GALM: variants seen among roughly 807,000 people sequenced by gnomAD.
GALM encodes galactose mutarotase, also known as aldose 1-epimerase.
Under a neutral mutation model 37.4 loss-of-function variants are expected in GALM, and 43 were observed. The observed-to-expected ratio is 1.15, with a 90% CI of 0.90 to 1.48. GALM has a LOEUF of 1.48. Among genes scored for constraint, GALM ranks in the 40% most tolerant of loss-of-function variants. The pLI, the probability that GALM is intolerant of heterozygous loss-of-function variation, is 0.00. For missense variants in GALM, 456 were observed against 419.1 expected, an observed-to-expected ratio of 1.09 and a Z score of -0.77; for synonymous variants, 199 against 170.6, an observed-to-expected ratio of 1.17 and a Z score of -1.30.
At chr2:38,702,518 T>C (rs1665940041) in intron 4 of GALM, among the ~76,000 whole-genome samples, 1 of 151,898 alleles carries the variant, frequency 6.6e-6, no homozygotes, top group Non-Finnish European at 1.5e-5. Context: ...CTTACCCTCC[T>C]TCTTCAAGAG....
At position 38,700,761 on chromosome 2, in the gene GALM, G is replaced by A. The variant is rs188127631; in HGVS notation, c.634+10867G>A. Among the ~76,000 whole-genome samples the A allele has an allele frequency of 5.3e-4, 81 of 152,094 alleles. No individual in the cohort carries two copies. In the East Asian group the frequency reaches 8.7e-3, roughly 16 times the overall value. ...GATAGGTGAGGACTTCTGTCATTTTGTTAATTATTTTCTGTTTTTTTAAAT... is the reference window on the plus strand; with the variant it reads ...GATAGGTGAGGACTTCTGTCATTTTATTAATTATTTTCTGTTTTTTTAAAT... On this transcript the variant is annotated intron_variant, in intron 4 of 6. Transcript: ENST00000272252.
chr2:38,716,827 C>T (rs1238944223), intron 4 of GALM, among the ~76,000 whole-genome samples: 2 of 151,978 alleles, frequency 1.3e-5, no homozygotes, highest in Non-Finnish European at 2.9e-5. Context: ...TGCACTGCAG[C>T]CTAGGCAACA....
intron 4 of GALM, among the ~76,000 whole-genome samples, chr2:38,692,056 G>A (rs191652026): frequency 3.2e-4 from 49 of 152,226 alleles, no homozygotes; most frequent in Non-Finnish European, 2.1e-4. Flanking sequence ...CTCCTAGCAT[G>A]ACATTTTACT....
chr2:38,729,542 T>G lies in GALM; in HGVS notation c.635-14T>G, dbSNP rs372545792. 9 of 1,611,444 alleles carry G rather than the reference T, an allele frequency of 5.6e-6. No homozygotes were observed. Among genetic ancestry groups the G allele is most frequent in the Non-Finnish European group, 7.6e-6 (9 of 1,178,790 alleles). Reference sequence around the variant, plus strand: ...GGGCATTTATCACCTTTGTTTTCTGTCTCTTCCCATCAGGAGAAGTTGCCC... The same window carrying G: ...GGGCATTTATCACCTTTGTTTTCTGGCTCTTCCCATCAGGAGAAGTTGCCC... On this transcript the variant is annotated splice_polypyrimidine_tract_variant and intron_variant, in intron 4 of 6. Coordinates refer to ENST00000272252, the MANE Select transcript of GALM (RefSeq NM_138801.3).
chr2:38,716,202 C>A (rs1666266587), intron 4 of GALM, among the ~76,000 whole-genome samples: 1 of 152,250 alleles, frequency 6.6e-6, no homozygotes, highest in Admixed American at 6.5e-5. Flanking sequence ...CATTTCCCTG[C>A]AGCTTCTGAA....
chr2:38,695,328 A>G (rs931293508), intron 4 of GALM, among the ~76,000 whole-genome samples: 1 of 152,174 alleles, frequency 6.6e-6, no homozygotes, highest in African/African-American at 2.4e-5. Context: ...ATAAATAAAT[A>G]AAGTTTCAAA....
intron 4 of GALM, among the ~76,000 whole-genome samples, chr2:38,717,835 A>C (rs1666300363): frequency 6.6e-6 from 1 of 151,298 alleles, no homozygotes; most frequent in South Asian, 2.1e-4. Context: ...AAATTATATA[A>C]AACCATTTTC....
At chr2:38,708,078 G>T (rs554400319) in intron 4 of GALM, among the ~76,000 whole-genome samples, 1 of 148,214 alleles carries the variant, frequency 6.7e-6, no homozygotes, top group Non-Finnish European at 1.5e-5. Context: ...TTGCACTCCA[G>T]CATGGGCAAC....
At chr2:38,695,668 T>A (rs2148439430) in intron 4 of GALM, among the ~76,000 whole-genome samples, 2 of 152,320 alleles carry the variant, frequency 1.3e-5, no homozygotes, top group Middle Eastern at 3.4e-3. Context: ...TTTATGTGTG[T>A]GTGGTTTTGT....
intron 4 of GALM, among the ~76,000 whole-genome samples, chr2:38,702,811 C>A (rs1665945160): frequency 6.6e-6 from 1 of 150,860 alleles, no homozygotes; most frequent in South Asian, 2.1e-4. Flanking sequence ...CCAACCTATA[C>A]ATCCTAGGAA....
intron 4 of GALM, among the ~76,000 whole-genome samples, chr2:38,718,185 T>C (rs958177826): frequency 2.2e-5 from 3 of 135,780 alleles, no homozygotes; most frequent in African/African-American, 8.0e-5. Context: ...AAGTATTTCT[T>C]TTTTTCTTTT....
Position 38,666,366 on chromosome 2 carries a change from G to T in GALM, c.190+15G>T, listed in dbSNP as rs766688937. 5.7e-6 allele frequency: 9 copies of T among 1,592,892 alleles called. No homozygotes were observed. The highest frequency in any genetic ancestry group is 6.9e-6 in the Non-Finnish European group (8 of 1,166,922). On this transcript the variant is annotated intron_variant, in intron 1 of 6. Coordinates refer to ENST00000272252, the MANE Select transcript of GALM (RefSeq NM_138801.3). ...CGAGTTGGAAGGTGGGTTGAACTGTGCCCTGGGCTGCGAGCAGGCCCCAGG... is the reference window on the plus strand; with the variant it reads ...CGAGTTGGAAGGTGGGTTGAACTGTTCCCTGGGCTGCGAGCAGGCCCCAGG...
At chr2:38,685,042 G>C (rs1001908836) in intron 3 of GALM, among the ~76,000 whole-genome samples, 6 of 152,112 alleles carry the variant, frequency 3.9e-5, no homozygotes, top group African/African-American at 1.4e-4. Flanking sequence ...TCCTCATATA[G>C]TCACATCCAG....
chr2:38,675,524 TTGTTTTTTTTTTTTTTTTTTGTGTGTG>T (rs1484432055), intron 1 of GALM, among the ~76,000 whole-genome samples: 7 of 96,846 alleles, frequency 7.2e-5, no homozygotes, highest in African/African-American at 3.3e-4. Flanking sequence ...GAGGGTTTTT[TTGTTTTTTTTTTTTTTTTTTGTGTGTG>T]TGTGTGTGTG....
chr2:38,700,106 C>T (rs1424165249), intron 4 of GALM, among the ~76,000 whole-genome samples: 1 of 152,076 alleles, frequency 6.6e-6, no homozygotes, highest in Non-Finnish European at 1.5e-5. Flanking sequence ...TGCCCGCCAC[C>T]ACACCCAGCT....
chr2:38,675,631 C>A (rs1045366791), intron 1 of GALM, among the ~76,000 whole-genome samples: 1 of 145,852 alleles, frequency 6.9e-6, no homozygotes, highest in Non-Finnish European at 1.5e-5. Flanking sequence ...TGCAGTGGCG[C>A]GGTCTCGGCT....
intron 4 of GALM, among the ~76,000 whole-genome samples, chr2:38,700,928 G>T (rs889616002): frequency 6.6e-6 from 1 of 151,890 alleles, no homozygotes; most frequent in African/African-American, 2.4e-5. Flanking sequence ...GTGTTTTCTT[G>T]ATAGTAATTA....
intron 4 of GALM, among the ~76,000 whole-genome samples, chr2:38,711,854 CCAT>C (rs1272357921): frequency 6.8e-4 from 12 of 17,520 alleles, no homozygotes; most frequent in Middle Eastern, 0.028. Flanking sequence ...ATCACCACCA[CCAT>C]CATCATCATC....
intron 4 of GALM, among the ~76,000 whole-genome samples, chr2:38,727,284 G>A (rs1372481320): frequency 6.6e-6 from 1 of 151,876 alleles, no homozygotes; most frequent in Non-Finnish European, 1.5e-5. Flanking sequence ...GTTAAACAGT[G>A]GACACCCACA....
Sources: gnomAD v4.1 joint callset for allele counts (sites outside exome capture counted in the v4.1 genomes callset) on GRCh38, gnomAD v4.1.1 for gene constraint, MANE v1.5 for transcripts, NCBI Gene and HGNC (gene_info 2026-07-23, HGNC 2026-07-21) for gene names.